The following GTF3C6 variants were observed in gnomAD, a reference collection of about 807,000 sequenced individuals.
The protein encoded by GTF3C6 is general transcription factor 3C polypeptide 6.
In GTF3C6, 11 loss-of-function variants were observed where a neutral mutation model predicts 19.2. That is an observed-to-expected ratio of 0.57 (90% confidence interval 0.36 to 0.95). GTF3C6 has a LOEUF of 0.95. Among genes scored for constraint, GTF3C6 ranks in the 40% least tolerant of loss-of-function variants. The probability of loss-of-function intolerance (pLI) is 0.01; values close to 1 mark genes in which losing one functional copy is unlikely to be tolerated. For missense variants in GTF3C6, 222 were observed against 254.7 expected (o/e 0.87, Z 0.87); for synonymous variants, 87 against 84.2 (o/e 1.03, Z -0.18).
At chr6:110,962,902 C>T (rs562067788) in intron 5 of GTF3C6, among the ~76,000 whole-genome samples, 6 of 152,314 alleles carry the variant, frequency 3.9e-5, no homozygotes, top group Admixed American at 2.0e-4. Context: ...CCTCAGCCTC[C>T]GGAGTAGCTG....
chr6:110,960,099 C>CT (rs1324977259), intron 2 of GTF3C6, among the ~76,000 whole-genome samples: 1 of 152,144 alleles, frequency 6.6e-6, no homozygotes, highest in African/African-American at 2.4e-5. Flanking sequence ...GGTGACAGAG[C>CT]TAGACACTGT....
intron 4 of GTF3C6, among the ~76,000 whole-genome samples, chr6:110,961,585 C>A (rs993324199): frequency 6.6e-6 from 1 of 152,218 alleles, no homozygotes; most frequent in Non-Finnish European, 1.5e-5. Context: ...TATCCTCCGT[C>A]CTGCCTAGGC....
At chr6:110,966,523 C>G (rs544435642) in intron 5 of GTF3C6, among the ~76,000 whole-genome samples, 13 of 152,180 alleles carry the variant, frequency 8.5e-5, no homozygotes, top group Admixed American at 2.6e-4. Flanking sequence ...ATATCCTATT[C>G]AGTATGGGAC....
chr6:110,962,618 T>A (rs905650728), intron 5 of GTF3C6, 113 bp downstream of exon 5: 83 of 629,668 alleles, frequency 1.3e-4, no homozygotes, highest in Non-Finnish European at 2.9e-5. Context: ...TGATTTTTGT[T>A]TTTTCAGACA....
chr6:110,960,699 G>C (rs139799168), intron 4 of GTF3C6, 83 bp downstream of exon 4: 35 of 1,024,658 alleles, frequency 3.4e-5, no homozygotes, highest in Non-Finnish European at 5.1e-5. Context: ...TGTATCCACT[G>C]TCTAGCTGTA....
At position 110,964,658 on chromosome 6, in the gene GTF3C6, T is replaced by C. The variant is rs1771205808; in HGVS notation, c.361+2153T>C. Among the ~76,000 whole-genome samples the C allele has an allele frequency of 4.0e-5, 6 of 151,320 alleles. 1 individual carries two copies. The South Asian group carries it at 1.3e-3, about 32-fold the overall frequency. On this transcript the variant is annotated intron_variant, in intron 5 of 5. Transcript: ENST00000329970. ...TTGACGTTTTTCTTTTTTTCTTTCC[T>C]GGAGACAGAGTCTTACTCCATCCCC...
chr6:110,964,826 G>GT (rs1229313061), intron 5 of GTF3C6, among the ~76,000 whole-genome samples: 2 of 141,914 alleles, frequency 1.4e-5, no homozygotes, highest in Non-Finnish European at 3.0e-5. Flanking sequence ...TAGAGACGGA[G>GT]TTTTTTTTCT....
chr6:110,960,606 T>C lies in GTF3C6; in HGVS notation c.237T>C (p.Asn79=). Residue 79 remains asparagine (N), a synonymous_variant, in exon 4 of 6, where the codon AAT becomes AAC. Transcript: ENST00000329970. ...TLGTCVIFEE[N]VEHADTEGNN... is the part of the protein sequence containing the mutation. Reference sequence around the variant, plus strand: ...GGACCTGTGTTATATTTGAAGAAAATGTTGAACATGGTAAGTGATTGCTAG... The same window carrying C: ...GGACCTGTGTTATATTTGAAGAAAACGTTGAACATGGTAAGTGATTGCTAG... The C allele has an allele frequency of 6.2e-7, 1 of 1,613,270 alleles. No individual in the cohort carries two copies. Among genetic ancestry groups the C allele is most frequent in the Non-Finnish European group, 8.5e-7 (1 of 1,179,254 alleles).
Position 110,967,672 on chromosome 6 carries a change from AC to A in GTF3C6, c.526del (p.Leu176Ter), listed in dbSNP as rs777218025. ...EEEIQMNDSS[N>X]LSCEQEKPMH... is the part of the protein sequence containing the mutation. ...GAGATTCAAATGAACGACAGTTCAA[AC>A]CTGAGTTGTGAACAGGAGAAACCAA... On this transcript the variant is annotated frameshift_variant, in exon 6 of 6. Coordinates refer to ENST00000329970, the MANE Select transcript of GTF3C6 (RefSeq NM_138408.4). LOFTEE classifies it low-confidence loss of function (END_TRUNC). The A allele has an allele frequency of 6.2e-7, 1 of 1,614,004 alleles. No individual in the cohort carries two copies. The highest frequency in any genetic ancestry group is 1.3e-5 in the African/African-American group (1 of 74,934).
intron 1 of GTF3C6, 105 bp downstream of exon 1, chr6:110,958,931 A>C (rs61367166): frequency 1.6e-6 from 2 of 1,275,760 alleles, no homozygotes; most frequent in East Asian, 2.5e-5. Context: ...GGGAGGCCCC[A>C]CTGCTCCTCA....
intron 5 of GTF3C6, 104 bp downstream of exon 5, chr6:110,962,609 G>C (rs1415086888): frequency 1.4e-5 from 9 of 664,576 alleles, no homozygotes; most frequent in Non-Finnish European, 1.8e-5. Flanking sequence ...AACTATACAT[G>C]ATTTTTGTTT....
Position 110,967,774 on chromosome 6 carries a change from C to T in GTF3C6, c.626C>T (p.Thr209Ile), listed in dbSNP as rs1771249900. The change falls in exon 6 of 6, where the codon ACT (threonine) becomes ATT (isoleucine). Residue 209 changes from threonine to isoleucine, a missense_variant. Coordinates refer to ENST00000329970, the MANE Select transcript of GTF3C6 (RefSeq NM_138408.4). ...SETEGSVFME[T>I]QMLP ...ACAGAAGGTTCTGTTTTTATGGAAA[C>T]TCAAATGCTGCCTTAGAAATCACTC... 6.2e-7 allele frequency: 1 copy of T among 1,602,764 alleles called. No homozygotes were observed. Among genetic ancestry groups the T allele is most frequent in the Non-Finnish European group, 8.5e-7 (1 of 1,175,616 alleles).
At chr6:110,962,859 A>T (rs952158615) in intron 5 of GTF3C6, among the ~76,000 whole-genome samples, 15 of 151,814 alleles carry the variant, frequency 9.9e-5, no homozygotes, top group African/African-American at 3.4e-4. Flanking sequence ...GCTCACTGCA[A>T]CCTCCGCCTC....
At chr6:110,962,669 C>A (rs1486783436) in intron 5 of GTF3C6, among the ~76,000 whole-genome samples, 164 bp downstream of exon 5, 1 of 152,216 alleles carries the variant, frequency 6.6e-6, no homozygotes, top group African/African-American at 2.4e-5. Flanking sequence ...CTGGCACAAT[C>A]TCGGCTCACT....
At chr6:110,962,872 G>A (rs940823424) in intron 5 of GTF3C6, among the ~76,000 whole-genome samples, 23 of 152,078 alleles carry the variant, frequency 1.5e-4, no homozygotes, top group Admixed American at 5.2e-4. Context: ...TCCGCCTCCC[G>A]GGTTCAAGCG....
intron 2 of GTF3C6, 125 bp from the exon 3 acceptor site, chr6:110,960,289 T>C (rs1771142886): frequency 1.4e-6 from 1 of 724,838 alleles, no homozygotes; most frequent in Non-Finnish European, 2.3e-6. Flanking sequence ...TATCCTGTAC[T>C]TGGTAGGACA....
At chr6:110,961,157 C>CTT in intron 4 of GTF3C6, among the ~76,000 whole-genome samples, 1 of 145,552 alleles carries the variant, frequency 6.9e-6, no homozygotes, top group Non-Finnish European at 1.5e-5. Context: ...CTCCTGAATT[C>CTT]TTTTTTTTTT....
At chr6:110,960,368 T>G (rs1771143746) in intron 2 of GTF3C6, 46 bp from the exon 3 acceptor site, 1 of 1,521,666 alleles carries the variant, frequency 6.6e-7, no homozygotes, top group Non-Finnish European at 8.9e-7. Flanking sequence ...TGTTGAAGCC[T>G]TTTTCTAATT....
intron 5 of GTF3C6, among the ~76,000 whole-genome samples, chr6:110,963,286 T>C (rs1381578150): frequency 6.6e-6 from 1 of 152,134 alleles, no homozygotes. Flanking sequence ...TAAAATTCAG[T>C]TGAACTCTCA....
Sources: allele counts gnomAD v4.1 joint callset (sites outside exome capture counted in the v4.1 genomes callset), GRCh38; gene constraint gnomAD v4.1.1; transcripts MANE v1.5; gene names NCBI Gene and HGNC (gene_info 2026-07-23, HGNC 2026-07-21).